The following PLEKHS1 variants were observed in gnomAD, a reference collection of about 807,000 sequenced individuals.
PLEKHS1 encodes the protein pleckstrin homology domain-containing family S member 1.
A neutral mutation model predicts 51.0 loss-of-function variants in PLEKHS1; 55 were observed. The observed-to-expected ratio is 1.08, with a 90% CI of 0.87 to 1.35. The LOEUF is 1.35. Among genes scored for constraint, PLEKHS1 ranks in the 40% most tolerant of loss-of-function variants. PLEKHS1 has a pLI of 0.00. For missense variants in PLEKHS1, 398 were observed against 423.0 expected (o/e 0.94, Z 0.52); for synonymous variants, 153 against 144.8 (o/e 1.06, Z -0.41).
At chr10:113,769,093 C>A (rs1397909039) in intron 6 of PLEKHS1, among the ~76,000 whole-genome samples, 1 of 152,186 alleles carries the variant, frequency 6.6e-6, no homozygotes, top group Non-Finnish European at 1.5e-5. Flanking sequence ...AAAGTACAGA[C>A]ACTTCAGATT....
intron 5 of PLEKHS1, 76 bp from the exon 6 acceptor site, chr10:113,768,739 C>T: frequency 8.2e-7 from 1 of 1,218,622 alleles, no homozygotes; most frequent in East Asian, 2.4e-5. Flanking sequence ...TTCTAACATT[C>T]ATAAAAGAAT....
At chr10:113,775,094 C>CA in intron 10 of PLEKHS1, 59 bp downstream of exon 10, 1 of 1,217,914 alleles carries the variant, frequency 8.2e-7, no homozygotes, top group Non-Finnish European at 1.1e-6. Context: ...CTCCCTCCCA[C>CA]TTTTTTTTTT....
exon 4 of PLEKHS1, chr10:113,766,712 T>C (rs1404828884): frequency 3.7e-6 from 6 of 1,605,354 alleles, no homozygotes; most frequent in Middle Eastern, 1.7e-4. Flanking sequence ...TCCATTGAAA[T>C]TGATCAGTGT....
At chr10:113,755,423 G>C (rs1854065216) in intron 2 of PLEKHS1, 118 bp downstream of exon 2, 1 of 1,457,358 alleles carries the variant, frequency 6.9e-7, no homozygotes, top group Non-Finnish European at 9.1e-7. Context: ...GTTTTGTTTT[G>C]TTTTGTTTGA....
chr10:113,778,995 A>C (rs1302460412), intron 11 of PLEKHS1, among the ~76,000 whole-genome samples: 1 of 152,216 alleles, frequency 6.6e-6, no homozygotes, highest in Non-Finnish European at 1.5e-5. Flanking sequence ...AGCTACAAAA[A>C]TGGCCTCAGC....
chr10:113,777,224 G>T (rs1326638810), intron 11 of PLEKHS1: 2 of 1,612,838 alleles, frequency 1.2e-6, no homozygotes, highest in Non-Finnish European at 1.7e-6. Context: ...CCTGGAGGAG[G>T]TCTCCCTGTT....
At chr10:113,762,365 C>CTTTTTTTTTTTTTTTTTTTT (rs34457408) in intron 2 of PLEKHS1, among the ~76,000 whole-genome samples, 33 of 61,790 alleles carry the variant, frequency 5.3e-4, no homozygotes, top group South Asian at 8.1e-4. Flanking sequence ...AGATTTGTTC[C>CTTTTTTTTTTTTTTTTTTTT]TTTTTTTTTT....
chr10:113,760,448 G>A (rs1329917078), intron 2 of PLEKHS1, among the ~76,000 whole-genome samples: 1 of 151,888 alleles, frequency 6.6e-6, no homozygotes, highest in Non-Finnish European at 1.5e-5. Context: ...GAGCACATGA[G>A]TTCCAGACCA....
At chr10:113,769,962 C>T in intron 7 of PLEKHS1, 62 bp downstream of exon 7, 1 of 1,185,234 alleles carries the variant, frequency 8.4e-7, no homozygotes. Flanking sequence ...GCCTAAAAAT[C>T]TTACCAATTA....
chr10:113,775,667 G>A (rs7899829), intron 10 of PLEKHS1, 98 bp from the exon 11 acceptor site: 263,355 of 688,660 alleles, frequency 0.38, 51,537 homozygotes, highest in South Asian at 0.48. Context: ...CCTGGACAAT[G>A]TCATCTCAGA....
exon 8 of PLEKHS1, chr10:113,772,009 C>A: frequency 6.2e-7 from 1 of 1,613,498 alleles, no homozygotes; most frequent in Non-Finnish European, 8.5e-7. Context: ...TAGGCAAACT[C>A]ACCTACAAGA....
At chr10:113,761,203 G>C (rs1190019420) in intron 2 of PLEKHS1, among the ~76,000 whole-genome samples, 1 of 152,112 alleles carries the variant, frequency 6.6e-6, no homozygotes, top group African/African-American at 2.4e-5. Context: ...AGTAAGTTTT[G>C]AAATTGGGAA....
At chr10:113,754,951 TC>T (rs1248861498) in intron 1 of PLEKHS1, among the ~76,000 whole-genome samples, 5 of 152,218 alleles carry the variant, frequency 3.3e-5, no homozygotes, top group African/African-American at 1.2e-4. Context: ...CCGCCAGCTC[TC>T]TTATCAAAGC....
At chr10:113,758,285 G>C (rs1230779414) in intron 2 of PLEKHS1, among the ~76,000 whole-genome samples, 6 of 152,158 alleles carry the variant, frequency 3.9e-5, no homozygotes, top group African/African-American at 1.2e-4. Context: ...AGACTTAAAA[G>C]TTGAAATTAC....
Position 113,769,764 on chromosome 10 carries a change from A to C in PLEKHS1, c.436-20A>C. ...ACAGAGATCAACTGTGCCCTGACTG[A>C]TTCCTTTTTTTGTGAGCAGGAGGAA... On this transcript the variant is annotated intron_variant, in intron 6 of 11. Transcript: ENST00000361048. 1 of 1,523,456 alleles carries C rather than the reference A, an allele frequency of 6.6e-7. No individual in the cohort carries two copies. The highest frequency in any genetic ancestry group is 9.1e-7 in the Non-Finnish European group (1 of 1,097,726). 94.4% of individuals were successfully genotyped at this position (1,523,456 alleles called of 1,614,324 possible).
At chr10:113,753,459 G>A (rs769439614) in intron 1 of PLEKHS1, among the ~76,000 whole-genome samples, 1 of 152,154 alleles carries the variant, frequency 6.6e-6, no homozygotes, top group African/African-American at 2.4e-5. Context: ...AACAGCCTTC[G>A]GCCTCAATAG....
chr10:113,775,260 A>G (rs947205070), intron 10 of PLEKHS1, among the ~76,000 whole-genome samples: 1 of 151,898 alleles, frequency 6.6e-6, no homozygotes, highest in Non-Finnish European at 1.5e-5. Flanking sequence ...ATTTTCAGCT[A>G]TTTTTAAAAA....
intron 10 of PLEKHS1, 31 bp downstream of exon 10, chr10:113,775,066 C>T: frequency 6.4e-7 from 1 of 1,573,192 alleles, no homozygotes; most frequent in Non-Finnish European, 8.7e-7. Context: ...ACTTGATGGG[C>T]CCTAAGAGCA....
chr10:113,767,875 C>T (rs1844233627), intron 5 of PLEKHS1, among the ~76,000 whole-genome samples: 2 of 152,080 alleles, frequency 1.3e-5, no homozygotes, highest in South Asian at 4.1e-4. Context: ...TGGCGTTCTC[C>T]CTGTGTGCAT....
Sources: gnomAD v4.1 joint callset for allele counts (sites outside exome capture counted in the v4.1 genomes callset) on GRCh38, gnomAD v4.1.1 for gene constraint, MANE v1.5 for transcripts, NCBI Gene and HGNC (gene_info 2026-07-23, HGNC 2026-07-21) for gene names.